The following DYNC2I2 variants were observed in gnomAD, a reference collection of about 807,000 sequenced individuals.
DYNC2I2 encodes dynein 2 intermediate chain 2.
In DYNC2I2, 39 loss-of-function variants were observed where a neutral mutation model predicts 52.0. That is an observed-to-expected ratio of 0.75 (90% confidence interval 0.58 to 0.98). The LOEUF is 0.98. DYNC2I2 is among the 50% of genes least tolerant of loss of function. DYNC2I2 has a pLI of 0.00. For synonymous variants in DYNC2I2, 359 were observed against 321.1 expected (o/e 1.12, Z -1.26); for missense variants, 743 against 728.4 (o/e 1.02, Z -0.23).
At chr9:128,644,968 G>A (rs62586292) in intron 1 of DYNC2I2, among the ~76,000 whole-genome samples, 9 of 152,134 alleles carry the variant, frequency 5.9e-5, no homozygotes, top group African/African-American at 1.4e-4. Flanking sequence ...TAAATGTTGC[G>A]TGTGATTTGA....
intron 2 of DYNC2I2, among the ~76,000 whole-genome samples, chr9:128,639,759 G>A (rs569458902): frequency 1.3e-5 from 2 of 152,074 alleles, no homozygotes; most frequent in East Asian, 1.9e-4. Flanking sequence ...TCCGTCTCCC[G>A]GGTTAAAGTG....
At chr9:128,638,945 G>A (rs1860461974) in intron 2 of DYNC2I2, among the ~76,000 whole-genome samples, 1 of 152,170 alleles carries the variant, frequency 6.6e-6, no homozygotes, top group African/African-American at 2.4e-5. Context: ...GAGGTGGAAG[G>A]AAGCTTTTAC....
At chr9:128,636,497 C>T (rs952039985) in intron 3 of DYNC2I2, 59 bp from the exon 4 acceptor site, 4 of 1,529,720 alleles carry the variant, frequency 2.6e-6, no homozygotes, top group Non-Finnish European at 2.6e-6. Flanking sequence ...ATCACCCACC[C>T]CACCTCTCTC....
At chr9:128,668,498 G>C in the DYNC2I2 span, among the ~76,000 whole-genome samples, 1 of 151,720 alleles carries the variant, frequency 6.6e-6, no homozygotes, top group Non-Finnish European at 1.5e-5. Context: ...TCCAGCGCCA[G>C]CTTGGGTAAC....
the DYNC2I2 span, chr9:128,663,021 C>T: frequency 6.6e-6 from 1 of 152,290 alleles, no homozygotes; most frequent in Non-Finnish European, 1.5e-5. Context: ...GTCTCAAACT[C>T]CTGACCTCAG....
upstream of DYNC2I2, among the ~76,000 whole-genome samples, chr9:128,661,095 A>G (rs1860911710): frequency 6.6e-6 from 1 of 151,804 alleles, no homozygotes; most frequent in Admixed American, 6.6e-5. Flanking sequence ...TAATCCCAGC[A>G]ATTTGGGAGG....
intron 1 of DYNC2I2, among the ~76,000 whole-genome samples, chr9:128,641,841 C>A (rs1401392057): frequency 6.6e-6 from 1 of 152,108 alleles, no homozygotes; most frequent in Non-Finnish European, 1.5e-5. Context: ...CTCACCTCCA[C>A]AGGCCACTCA....
chr9:128,635,044 C>G (rs931678331), intron 6 of DYNC2I2, 48 bp downstream of exon 6: 22 of 1,589,584 alleles, frequency 1.4e-5, no homozygotes, highest in Non-Finnish European at 1.9e-5. Context: ...CTTCCCACCC[C>G]CAAGGCTCAC....
At chr9:128,660,210 G>T (rs193153350), upstream of DYNC2I2, among the ~76,000 whole-genome samples, 1 of 151,878 alleles carries the variant, frequency 6.6e-6, no homozygotes, top group Non-Finnish European at 1.5e-5. Context: ...CCGGGTTCAC[G>T]CCGTTCTCCT....
At chr9:128,664,106 C>T in the DYNC2I2 span, among the ~76,000 whole-genome samples, 1 of 151,690 alleles carries the variant, frequency 6.6e-6, no homozygotes, top group Admixed American at 6.6e-5. Flanking sequence ...TACAGGTGGC[C>T]GCCACCACAC....
chr9:128,652,687 AG>A (rs1860740556), intron 1 of DYNC2I2, among the ~76,000 whole-genome samples: 1 of 150,252 alleles, frequency 6.7e-6, no homozygotes, highest in Non-Finnish European at 1.5e-5. Flanking sequence ...TGGGAGGCCC[AG>A]GCAAGTGGAT....
At position 128,633,854 on chromosome 9, in the gene DYNC2I2, C is replaced by T; in HGVS notation, c.1501G>A (p.Gly501Ser). The change falls in exon 9 of 9, where the codon GGC becomes AGC. Residue 501 changes from glycine (G) to serine (S), a missense_variant. Gly to Ser is a moderately conservative substitution (Grantham distance 56). Transcript: ENST00000372715. ...NSQQTQLLAA[G>S]DAQGTVKVWQ... ...ACCTTCACTGTGCCCTGGGCATCGC[C>T]CGCAGCCAAGAGCTGAGTCTGCTGG... 2.5e-6 allele frequency: 4 copies of T among 1,613,626 alleles called. No individual in the cohort carries two copies. Among genetic ancestry groups the T allele is most frequent in the Non-Finnish European group, 3.4e-6 (4 of 1,180,050 alleles).
At chr9:128,668,121 C>T in the DYNC2I2 span, among the ~76,000 whole-genome samples, 3 of 151,872 alleles carry the variant, frequency 2.0e-5, no homozygotes, top group Non-Finnish European at 2.9e-5. Flanking sequence ...CCACTATGCC[C>T]AGCTAATTTT....
upstream of DYNC2I2, among the ~76,000 whole-genome samples, chr9:128,659,291 C>G (rs1044860228): frequency 1.3e-5 from 2 of 151,394 alleles, no homozygotes; most frequent in African/African-American, 2.4e-5. Flanking sequence ...GTCAGGAGAT[C>G]GAGACCATCC....
the DYNC2I2 span, among the ~76,000 whole-genome samples, chr9:128,669,557 C>G: frequency 6.6e-6 from 1 of 151,998 alleles, no homozygotes; most frequent in Admixed American, 6.6e-5. Flanking sequence ...ATTAGCCGGG[C>G]GTAGTGGCAC....
At chr9:128,667,052 G>C in the DYNC2I2 span, among the ~76,000 whole-genome samples, 1 of 151,320 alleles carries the variant, frequency 6.6e-6, no homozygotes, top group African/African-American at 2.4e-5. Context: ...TACAAAAATT[G>C]GCCAGGTGTG....
Position 128,636,374 on chromosome 9 carries a change from C to G in DYNC2I2, c.610G>C (p.Asp204His), listed in dbSNP as rs1427864931. 1.9e-6 allele frequency: 3 copies of G among 1,609,644 alleles called. No individual in the cohort carries two copies. The highest frequency in any genetic ancestry group is 2.5e-6 in the Non-Finnish European group (3 of 1,178,516). Residue 204 changes from aspartate to histidine, a missense_variant, in exon 4 of 9, where the codon GAC (aspartate) becomes CAC (histidine). Transcript: ENST00000372715. ...GCCGACGGCTGCTGGGGACGCAGGT[C>G]TCGCCGGTCCAGGTTCCAGGCACAC... Reference protein sequence around the residue: ...FVCAWNLDRRDLRPQQPSAVV... With the variant: ...FVCAWNLDRRHLRPQQPSAVV...
chr9:128,671,067 C>CA, the DYNC2I2 span, among the ~76,000 whole-genome samples: 18 of 106,842 alleles, frequency 1.7e-4, no homozygotes, highest in African/African-American at 5.3e-4. Flanking sequence ...AACTCCGTCT[C>CA]AAAAAAAAAA....
At chr9:128,658,376 G>C (rs942946851), upstream of DYNC2I2, among the ~76,000 whole-genome samples, 4 of 152,122 alleles carry the variant, frequency 2.6e-5, no homozygotes, top group African/African-American at 4.8e-5. Flanking sequence ...TGTTGGCCAA[G>C]CTGGTCTGGA....
Sources: gnomAD v4.1 joint callset for allele counts (sites outside exome capture counted in the v4.1 genomes callset) on GRCh38, gnomAD v4.1.1 for gene constraint, MANE v1.5 for transcripts, NCBI Gene and HGNC (gene_info 2026-07-23, HGNC 2026-07-21) for gene names.